The following TEK variants were observed in gnomAD, a reference collection of about 807,000 sequenced individuals.
The protein encoded by TEK is TEK receptor tyrosine kinase.
In TEK, 43 loss-of-function variants were observed where a neutral mutation model predicts 131.8. That is an observed-to-expected ratio of 0.33 (90% CI 0.26 to 0.42). The LOEUF (loss-of-function observed/expected upper bound fraction) is 0.42, where lower values mean the gene tolerates loss of function less well. Among genes scored for constraint, TEK ranks in the 10% least tolerant of loss-of-function variants. The probability of loss-of-function intolerance (pLI) is 1.00; values close to 1 mark genes in which losing one functional copy is unlikely to be tolerated. For missense variants in TEK, 1,162 were observed against 1,384.4 expected, an observed-to-expected ratio of 0.84 and a Z score of 2.55; for synonymous variants, 580 against 491.6, an observed-to-expected ratio of 1.18 and a Z score of -2.38.
At chr9:27,131,165 C>T (rs1822200604) in intron 1 of TEK, among the ~76,000 whole-genome samples, 2 of 152,090 alleles carry the variant, frequency 1.3e-5, no homozygotes, top group Admixed American at 6.6e-5. Flanking sequence ...ATAAACTTGG[C>T]AGTGTAGACC....
chr9:27,170,656 G>C (rs1823921067), intron 4 of TEK, among the ~76,000 whole-genome samples: 1 of 152,110 alleles, frequency 6.6e-6, no homozygotes, highest in Admixed American at 6.6e-5. Context: ...AAGCTTCAAG[G>C]AAGAGCTGAG....
intron 12 of TEK, among the ~76,000 whole-genome samples, chr9:27,198,908 C>G (rs1006909150): frequency 7.9e-5 from 12 of 152,206 alleles, no homozygotes; most frequent in Admixed American, 2.0e-4. Flanking sequence ...AGCAATCCTC[C>G]CACCTCAGCC....
intron 1 of TEK, among the ~76,000 whole-genome samples, chr9:27,116,382 C>G (rs556648063): frequency 6.6e-6 from 1 of 152,086 alleles, no homozygotes; most frequent in Non-Finnish European, 1.5e-5. Flanking sequence ...TCCACCTCCC[C>G]GGTTCAAGTG....
chr9:27,209,361 ATGTC>A (rs2131219820), intron 16 of TEK, 130 bp downstream of exon 16: 6 of 735,732 alleles, frequency 8.2e-6, no homozygotes, highest in South Asian at 5.9e-5. Context: ...TTCTATCTGA[ATGTC>A]TGTCTAGTCC....
At chr9:27,154,309 C>T (rs1823242996) in intron 1 of TEK, among the ~76,000 whole-genome samples, 1 of 152,206 alleles carries the variant, frequency 6.6e-6, no homozygotes, top group African/African-American at 2.4e-5. Context: ...AAGGCTATCC[C>T]TCCCTGACCT....
intron 1 of TEK, among the ~76,000 whole-genome samples, chr9:27,155,857 C>T (rs1421787610): frequency 4.8e-5 from 7 of 147,344 alleles, no homozygotes; most frequent in Admixed American, 3.4e-4. Flanking sequence ...TGCTCTTTGT[C>T]GCCCAGTCTG....
chr9:27,173,737 G>GTTTTT (rs35971876), intron 6 of TEK, among the ~76,000 whole-genome samples: 3 of 93,970 alleles, frequency 3.2e-5, no homozygotes, highest in African/African-American at 4.0e-5. Flanking sequence ...TTTTTTTTTG[G>GTTTTT]TTTTTTTTTT....
At chr9:27,139,532 C>T (rs1014213244) in intron 1 of TEK, among the ~76,000 whole-genome samples, 1 of 151,706 alleles carries the variant, frequency 6.6e-6, no homozygotes, top group South Asian at 2.1e-4. Context: ...ACCATGTTGC[C>T]AGGCTAGTCT....
In TEK at chr9:27,217,743, C is replaced by T. The variant is rs1233910639; in HGVS notation, c.3047C>T (p.Thr1016Ile). The T allele has an allele frequency of 6.2e-7, 1 of 1,613,622 alleles. No individual in the cohort carries two copies. The highest frequency in any genetic ancestry group is 8.5e-7 in the Non-Finnish European group (1 of 1,179,816). Residue 1016 changes from threonine to isoleucine, a missense_variant, in exon 19 of 23, where the codon ACA becomes ATA. By Grantham distance (89) the Thr-to-Ile change is moderately conservative. Transcript: ENST00000380036. Reference protein sequence around the residue: ...AIESLNYSVYTTNSDVWSYGV... With the variant: ...AIESLNYSVYITNSDVWSYGV... ...GAGTCACTGAATTACAGTGTGTACACAACCAACAGTGATGTGTGAGTAAAC... is the reference window on the plus strand; with the variant it reads ...GAGTCACTGAATTACAGTGTGTACATAACCAACAGTGATGTGTGAGTAAAC...
chr9:27,219,570 G>C (rs918339207), intron 20 of TEK, among the ~76,000 whole-genome samples: 1 of 150,604 alleles, frequency 6.6e-6, no homozygotes, highest in Admixed American at 6.6e-5. Context: ...TGGGTCGATA[G>C]GTGCAGCAAA....
At chr9:27,137,976 G>A (rs1046948515) in intron 1 of TEK, among the ~76,000 whole-genome samples, 1 of 152,156 alleles carries the variant, frequency 6.6e-6, no homozygotes, top group South Asian at 2.1e-4. Flanking sequence ...CCTTCCAGTG[G>A]GTTTGTGGTC....
intron 1 of TEK, among the ~76,000 whole-genome samples, chr9:27,136,575 A>G (rs1244953391): frequency 6.6e-6 from 1 of 152,192 alleles, no homozygotes; most frequent in Admixed American, 6.5e-5. Flanking sequence ...AGATGGACAT[A>G]CAGCCACAAT....
chr9:27,190,893 G>A (rs1268866940), intron 10 of TEK, among the ~76,000 whole-genome samples: 3 of 152,084 alleles, frequency 2.0e-5, no homozygotes, highest in Non-Finnish European at 2.9e-5. Flanking sequence ...GTCACTGTGC[G>A]CTCTAGAACA....
rs371524016 is a variant in TEK at position 27,143,623 on chromosome 9, C to T, written c.53-14208C>T. 8.5e-5 allele frequency among the ~76,000 whole-genome samples: 13 copies of T among 152,286 alleles called. 1 individual carries two copies. The East Asian group carries it at 2.3e-3, about 27-fold the overall frequency. ...GCTTTCATGTTTTAGATGGCTTTTC[C>T]TCAAGTGACTGCAGAGATAGGCTGT... On this transcript the variant is annotated intron_variant, in intron 1 of 22. Transcript: ENST00000380036.
rs1380558586 is a variant in TEK at position 27,109,575 on chromosome 9, A to C, written c.-16A>C. On this transcript the variant is annotated 5_prime_UTR_variant, in exon 1 of 23. Transcript: ENST00000380036. Reference sequence around the variant, plus strand: ...ATGCACATTTGTGGAAACTGGATGGAGAGATTTGGGGAAGCATGGACTCTT... The same window carrying C: ...ATGCACATTTGTGGAAACTGGATGGCGAGATTTGGGGAAGCATGGACTCTT... 1 of 1,614,106 alleles carries C rather than the reference A, an allele frequency of 6.2e-7. No individual in the cohort carries two copies. Among genetic ancestry groups the C allele is most frequent in the South Asian group, 1.1e-5 (1 of 91,056 alleles).
intron 6 of TEK, among the ~76,000 whole-genome samples, chr9:27,173,737 G>GTTTTTTTT (rs35971876): frequency 2.1e-5 from 2 of 93,984 alleles, no homozygotes; most frequent in Non-Finnish European, 2.1e-5. Flanking sequence ...TTTTTTTTTG[G>GTTTTTTTT]TTTTTTTTTT....
At chr9:27,205,404 G>A (rs1239034650) in intron 14 of TEK, among the ~76,000 whole-genome samples, 1 of 152,176 alleles carries the variant, frequency 6.6e-6, no homozygotes, top group South Asian at 2.1e-4. Flanking sequence ...AACATTTTTG[G>A]TAAGGAAGGA....
chr9:27,139,557 T>C (rs13293515), intron 1 of TEK, among the ~76,000 whole-genome samples: 27,421 of 151,564 alleles, frequency 0.18, 2,975 homozygotes, highest in Admixed American at 0.24. Flanking sequence ...CTCCTGACCT[T>C]AGGTGATCCG....
At chr9:27,201,855 G>A (rs557485581) in intron 12 of TEK, among the ~76,000 whole-genome samples, 1 of 152,134 alleles carries the variant, frequency 6.6e-6, no homozygotes, top group Non-Finnish European at 1.5e-5. Context: ...TTAAACTTTT[G>A]AAGTCTCAGT....
Sources: gnomAD v4.1 joint callset for allele counts (sites outside exome capture counted in the v4.1 genomes callset) on GRCh38, gnomAD v4.1.1 for gene constraint, MANE v1.5 for transcripts, NCBI Gene and HGNC (gene_info 2026-07-23, HGNC 2026-07-21) for gene names.